The following CDH23 variants were observed in gnomAD, a reference collection of about 807,000 sequenced individuals.
CDH23 encodes cadherin-23.
In CDH23, 189 loss-of-function variants were observed where a neutral mutation model predicts 317.1. That is an observed-to-expected ratio of 0.60 (90% CI 0.53 to 0.67). CDH23 has a LOEUF of 0.67. CDH23 is among the 30% of genes least tolerant of loss of function. The pLI is 0.00. For missense variants in CDH23, 4,401 were observed against 4,592.4 expected (o/e 0.96, Z 1.20); for synonymous variants, 1,839 against 1,876.8 (o/e 0.98, Z 0.52).
rs1176328964 is a variant in CDH23 at position 71,739,736 on chromosome 10, C to T, written c.4452C>T (p.Pro1484=). The change falls in exon 36 of 70, where the codon CCC becomes CCT. Residue 1484 remains proline (P), a synonymous_variant. Coordinates refer to ENST00000224721, the MANE Select transcript of CDH23 (RefSeq NM_022124.6). ...DSIGEVFVAR[P]LDREELDHYI... is the part of the protein sequence containing the mutation. ...TTGGCGAAGTGTTTGTGGCCAGGCCCCTGGACAGAGAAGAGCTGGATCACT... is the reference window on the plus strand; with the variant it reads ...TTGGCGAAGTGTTTGTGGCCAGGCCTCTGGACAGAGAAGAGCTGGATCACT... 3.7e-6 allele frequency: 6 copies of T among 1,613,102 alleles called. No individual in the cohort carries two copies. Among genetic ancestry groups the T allele is most frequent in the African/African-American group, 1.3e-5 (1 of 74,922 alleles).
intron 3 of CDH23, among the ~76,000 whole-genome samples, chr10:71,482,722 C>G (rs10999847): frequency 0.16 from 24,815 of 152,144 alleles, 2,128 homozygotes; most frequent in Middle Eastern, 0.22. Flanking sequence ...CAGGAAAAGC[C>G]GAGTGCGAAT....
chr10:71,451,220 C>A (rs1850426233), intron 3 of CDH23, among the ~76,000 whole-genome samples: 1 of 152,168 alleles, frequency 6.6e-6, no homozygotes, highest in Non-Finnish European at 1.5e-5. Context: ...AGCCCAGTTA[C>A]CCCAGCAGCT....
chr10:71,561,565 C>A (rs1052290675), intron 6 of CDH23, among the ~76,000 whole-genome samples: 6 of 152,168 alleles, frequency 3.9e-5, no homozygotes, highest in African/African-American at 1.2e-4. Context: ...TCCCTTGTCA[C>A]CCCAGGAGTA....
At chr10:71,752,053 TC>T in intron 38 of CDH23, 1 of 726,296 alleles carries the variant, frequency 1.4e-6, no homozygotes, top group Non-Finnish European at 2.4e-6. Context: ...TGCCCACCTG[TC>T]CTGAGCTGAG....
intron 11 of CDH23, among the ~76,000 whole-genome samples, chr10:71,638,653 A>G (rs1862387345): frequency 6.6e-6 from 1 of 152,200 alleles, no homozygotes; most frequent in African/African-American, 2.4e-5. Context: ...TAGCGGAAAT[A>G]TCACCCTTGA....
At chr10:71,546,073 C>G (rs967797247) in intron 6 of CDH23, among the ~76,000 whole-genome samples, 1 of 152,018 alleles carries the variant, frequency 6.6e-6, no homozygotes, top group Non-Finnish European at 1.5e-5. Context: ...GCCTCATTTC[C>G]CCTCTGATCT....
intron 14 of CDH23, among the ~76,000 whole-genome samples, chr10:71,661,568 G>A (rs962355591): frequency 6.6e-6 from 1 of 152,104 alleles, no homozygotes; most frequent in African/African-American, 2.4e-5. Flanking sequence ...TGAGATAGGC[G>A]GCTCTTCTCT....
intron 3 of CDH23, among the ~76,000 whole-genome samples, chr10:71,506,477 AG>A (rs1256607674): frequency 6.6e-6 from 1 of 152,228 alleles, no homozygotes; most frequent in Non-Finnish European, 1.5e-5. Flanking sequence ...TCAGGTGGGA[AG>A]CAAACCTGTG....
chr10:71,594,989 T>C (rs1338122646), intron 9 of CDH23, among the ~76,000 whole-genome samples: 1 of 152,230 alleles, frequency 6.6e-6, no homozygotes, highest in Non-Finnish European at 1.5e-5. Flanking sequence ...GGCATTAATA[T>C]ACTGAGATAT....
intron 6 of CDH23, among the ~76,000 whole-genome samples, chr10:71,553,345 A>G (rs1232717879): frequency 6.6e-6 from 1 of 151,940 alleles, no homozygotes. Context: ...GCTCCTCTGC[A>G]GCCCCGTTCG....
chr10:71,706,888 GC>G lies in CDH23; in HGVS notation c.2954-5del, dbSNP rs766850828. 1.1e-5 allele frequency: 18 copies of G among 1,590,722 alleles called. No individual in the cohort carries two copies. The highest frequency in any genetic ancestry group is 1.5e-5 in the Non-Finnish European group (17 of 1,169,000). On this transcript the variant is annotated splice_polypyrimidine_tract_variant and splice_region_variant and intron_variant, in intron 25 of 69. Coordinates refer to ENST00000224721, the MANE Select transcript of CDH23 (RefSeq NM_022124.6). Reference sequence around the variant, plus strand: ...CAGGCCTAGCCCCGGCGCCCGTTCTGCCCCGCAGTGCTGGATGTGAACGACG... The same window carrying G: ...CAGGCCTAGCCCCGGCGCCCGTTCTGCCCGCAGTGCTGGATGTGAACGACG...
chr10:71,741,862 C>A lies in CDH23; in HGVS notation c.4786C>A (p.Arg1596Ser). Reference protein sequence around the residue: ...ATRPAPPDRERQSFYHLVATV... With the variant: ...ATRPAPPDRESQSFYHLVATV... ...ACGGCCTGCCCCGCCTGACCGCGAG[C>A]GCCAGAGCTTCTACCACCTGGTGGC... Residue 1596 changes from arginine (R) to serine (S), a missense_variant, in exon 38 of 70, where the codon CGC (arginine) becomes AGC (serine). Transcript: ENST00000224721. The A allele has an allele frequency of 6.2e-7, 1 of 1,610,834 alleles. No individual in the cohort carries two copies. The highest frequency in any genetic ancestry group is 8.5e-7 in the Non-Finnish European group (1 of 1,178,808).
At chr10:71,420,428 A>ATGG (rs1848710507) in intron 1 of CDH23, among the ~76,000 whole-genome samples, 1 of 21,462 alleles carries the variant, frequency 4.7e-5, no homozygotes, top group African/African-American at 1.6e-4. Flanking sequence ...GATGGTGATG[A>ATGG]TGATGATGAT....
At chr10:71,771,772 G>A (rs946201406) in intron 38 of CDH23, among the ~76,000 whole-genome samples, 6 of 152,326 alleles carry the variant, frequency 3.9e-5, no homozygotes, top group Admixed American at 1.3e-4. Context: ...AGCAATATAG[G>A]GGAAGGCGTC....
chr10:71,602,299 G>A (rs2132478914), intron 9 of CDH23, among the ~76,000 whole-genome samples: 1 of 152,232 alleles, frequency 6.6e-6, no homozygotes, highest in South Asian at 2.1e-4. Context: ...GATGGAGAGG[G>A]CTCGGACAAT....
intron 6 of CDH23, among the ~76,000 whole-genome samples, chr10:71,563,389 C>T (rs565319576): frequency 6.6e-6 from 1 of 152,208 alleles, no homozygotes; most frequent in South Asian, 2.1e-4. Context: ...CCTCAGATCC[C>T]ACCCCTCCCC....
intron 9 of CDH23, among the ~76,000 whole-genome samples, chr10:71,599,218 T>C (rs961394353): frequency 1.6e-4 from 24 of 152,234 alleles, no homozygotes; most frequent in Non-Finnish European, 2.8e-4. Context: ...CTTCTTTTTG[T>C]TCTTGTTTAA....
At chr10:71,707,628 A>C (rs879261260) in intron 26 of CDH23, 5 of 759,288 alleles carry the variant, frequency 6.6e-6, no homozygotes, top group Non-Finnish European at 8.1e-6. Flanking sequence ...TAGGATTGGT[A>C]GATGGTGGCG....
At chr10:71,735,226 A>C (rs1042418694) in intron 34 of CDH23, among the ~76,000 whole-genome samples, 1 of 152,134 alleles carries the variant, frequency 6.6e-6, no homozygotes, top group Non-Finnish European at 1.5e-5. Flanking sequence ...GGTGGGATGC[A>C]CATTGTGGGG....
Sources: allele counts gnomAD v4.1 joint callset (sites outside exome capture counted in the v4.1 genomes callset), GRCh38; gene constraint gnomAD v4.1.1; transcripts MANE v1.5; gene names NCBI Gene and HGNC (gene_info 2026-07-23, HGNC 2026-07-21).